Variants in AFF1 observed in about 807,000 individuals in gnomAD.
The protein encoded by AFF1 is ALF transcription elongation factor 1.
Under a neutral mutation model 121.7 loss-of-function variants are expected in AFF1, and 48 were observed. The observed-to-expected ratio is 0.39, with a 90% CI of 0.31 to 0.50. The LOEUF is 0.50. Ranked by LOEUF, AFF1 falls within the 20% of genes least tolerant of loss-of-function variation. The pLI is 0.76. For missense variants in AFF1, 1,523 were observed against 1,511.7 expected, an observed-to-expected ratio of 1.01 and a Z score of -0.12; for synonymous variants, 613 against 563.0, an observed-to-expected ratio of 1.09 and a Z score of -1.26.
intron 2 of AFF1, among the ~76,000 whole-genome samples, chr4:86,951,805 C>T (rs1260540194): frequency 3.3e-5 from 5 of 151,348 alleles, no homozygotes; most frequent in Non-Finnish European, 5.9e-5. Context: ...TTAGTAGAGA[C>T]GGGTTTCACC....
chr4:87,047,403 A>G lies in AFF1; in HGVS notation c.868A>G (p.Ser290Gly). 1 of 1,613,988 alleles carries G rather than the reference A, an allele frequency of 6.2e-7. No individual in the cohort carries two copies. The highest frequency in any genetic ancestry group is 8.5e-7 in the Non-Finnish European group (1 of 1,180,012). ...TCCACCTCCCTCCCTCCCCTCAAAA[A>G]GTGTTGCAATGCAGCAGAAGCCCAC... ...TFPPPSLPSK[S>G]VAMQQKPTAY... Residue 290 changes from serine to glycine, a missense_variant, in exon 4 of 21, where the codon AGT (serine) becomes GGT (glycine). Ser to Gly is a moderately conservative substitution (Grantham distance 56). Around this residue, in one of 5 missense-constraint regions of AFF1, gnomAD observed 369 missense variants for 367.2 expected, o/e 1.00. Transcript: ENST00000395146.
intron 1 of AFF1, among the ~76,000 whole-genome samples, chr4:86,947,151 A>G (rs1720927175): frequency 6.6e-6 from 1 of 152,140 alleles, no homozygotes; most frequent in Admixed American, 6.5e-5. Context: ...GTGGGGATTG[A>G]GTTGGAGAAT....
chr4:87,096,389 G>C (rs1389326481), intron 8 of AFF1, among the ~76,000 whole-genome samples: 1 of 124,770 alleles, frequency 8.0e-6, no homozygotes, highest in Non-Finnish European at 1.6e-5. Context: ...GACACACCCG[G>C]CTTTTTTTTT....
chr4:86,991,870 A>G (rs948473915), intron 2 of AFF1, among the ~76,000 whole-genome samples: 1 of 96,846 alleles, frequency 1.0e-5, no homozygotes, highest in African/African-American at 4.0e-5. Context: ...CTTTTCCATT[A>G]TTGAAATATG....
rs1291811026 is a variant in AFF1 at position 87,135,599 on chromosome 4, C to T, written c.3555C>T (p.Ser1185=). ...TTGCAGAATTCTTTGCTCGGCTCAG[C>T]ACAAATGTGTGCACCTTGGCCCTCA... ...RKNKEFFARL[S]TNVCTLALNS... Residue 1185 remains serine, a synonymous_variant, in exon 21 of 21, where the codon AGC becomes AGT. Transcript: ENST00000395146. 4 of 1,603,812 alleles carry T rather than the reference C, an allele frequency of 2.5e-6. No individual in the cohort carries two copies. Among genetic ancestry groups the T allele is most frequent in the Non-Finnish European group, 3.4e-6 (4 of 1,174,156 alleles).
chr4:87,073,391 C>T (rs1344110694), intron 4 of AFF1, among the ~76,000 whole-genome samples: 4 of 147,658 alleles, frequency 2.7e-5, no homozygotes, highest in Admixed American at 2.0e-4. Context: ...CTCTCTTTTG[C>T]GTTTGTTATA....
chr4:87,056,912 G>T (rs1023241655), intron 4 of AFF1, among the ~76,000 whole-genome samples: 1 of 152,202 alleles, frequency 6.6e-6, no homozygotes, highest in African/African-American at 2.4e-5. Flanking sequence ...GTAGGGTACT[G>T]TTACCATCCT....
At position 87,047,230 on chromosome 4, in the gene AFF1, A is replaced by C; in HGVS notation, c.695A>C (p.Gln232Pro). 6.2e-7 allele frequency: 1 copy of C among 1,614,166 alleles called. No homozygotes were observed. The highest frequency in any genetic ancestry group is 8.5e-7 in the Non-Finnish European group (1 of 1,180,026). ...AACCAGCAAACTCTTCCCCGGACGC[A>C]AGGAAGCAGCAAGGTTCATGGCAGC... ...HSNQQTLPRT[Q>P]GSSKVHGSSN... The change falls in exon 4 of 21, where the codon CAA (glutamine) becomes CCA (proline). Residue 232 changes from glutamine (Q) to proline (P), a missense_variant. Coordinates refer to ENST00000395146, the MANE Select transcript of AFF1 (RefSeq NM_001166693.3).
chr4:87,084,233 T>C (rs1723459165), intron 5 of AFF1, 69 bp downstream of exon 5: 13 of 1,532,750 alleles, frequency 8.5e-6, no homozygotes, highest in Middle Eastern at 3.4e-4. Context: ...CCATTTACTT[T>C]CACTTTAAAG....
At chr4:87,065,089 G>C (rs938047032) in intron 4 of AFF1, among the ~76,000 whole-genome samples, 1 of 152,116 alleles carries the variant, frequency 6.6e-6, no homozygotes, top group Admixed American at 6.6e-5. Context: ...TCTTAATGTG[G>C]TGCATTAGTC....
intron 2 of AFF1, among the ~76,000 whole-genome samples, chr4:87,035,516 G>A (rs1219979041): frequency 2.0e-5 from 3 of 151,756 alleles, no homozygotes; most frequent in East Asian, 1.9e-4. Flanking sequence ...AGCGGAGATC[G>A]CGCCACTGCA....
intron 2 of AFF1, chr4:86,949,537 A>ATTTTTTTTTTTTTTTTTTTTT (rs754229542): frequency 4.1e-6 from 1 of 244,120 alleles, no homozygotes; most frequent in Non-Finnish European, 6.8e-6. Context: ...TATTATTATT[A>ATTTTTTTTTTTTTTTTTTTTT]TTTTTTTTTT....
intron 4 of AFF1, among the ~76,000 whole-genome samples, chr4:87,078,969 C>T (rs1722925369): frequency 6.6e-6 from 1 of 152,132 alleles, no homozygotes; most frequent in South Asian, 2.1e-4. Context: ...ATTTGACCTT[C>T]ATACCAACCC....
rs374201893 is a variant in AFF1 at position 87,046,892 on chromosome 4, C to T, written c.357C>T (p.His119=). 4 of 1,614,108 alleles carry T rather than the reference C, an allele frequency of 2.5e-6. No homozygotes were observed. The highest frequency in any genetic ancestry group is 2.7e-5 in the African/African-American group (2 of 74,936). The change falls in exon 4 of 21, where the codon CAC becomes CAT. Residue 119 remains histidine, a synonymous_variant. Coordinates refer to ENST00000395146, the MANE Select transcript of AFF1 (RefSeq NM_001166693.3). ...CCAGCTCCTTCCACACTAGTGTCCA[C>T]CACCAGTCCATTCACACTCCTGCGT... ...IPSSSFHTSV[H]HQSIHTPASG...
In AFF1 at chr4:86,987,989, G is replaced by A. The variant is rs540453153; in HGVS notation, c.38+39418G>A. 5.9e-5 allele frequency among the ~76,000 whole-genome samples: 9 copies of A among 151,458 alleles called. No individual in the cohort carries two copies. The South Asian group carries it at 1.5e-3, about 25-fold the overall frequency. ...TTATCCAATTTTAAGCTGGGGTCATGTTATTCCCGCCCACCCCCCAACCCC... is the reference window on the plus strand; with the variant it reads ...TTATCCAATTTTAAGCTGGGGTCATATTATTCCCGCCCACCCCCCAACCCC... On this transcript the variant is annotated intron_variant, in intron 2 of 20. Coordinates refer to ENST00000395146, the MANE Select transcript of AFF1 (RefSeq NM_001166693.3).
chr4:86,993,400 G>A (rs1724880922), intron 2 of AFF1, among the ~76,000 whole-genome samples: 1 of 152,126 alleles, frequency 6.6e-6, no homozygotes, highest in Non-Finnish European at 1.5e-5. Flanking sequence ...AGAGATTGAG[G>A]AATATCTCCT....
chr4:87,046,036 A>T, intron 2 of AFF1, 130 bp from the exon 3 acceptor site: 1 of 1,154,690 alleles, frequency 8.7e-7, no homozygotes, highest in Non-Finnish European at 1.2e-6. Flanking sequence ...GGCTTTCTTT[A>T]AATCACAGCC....
At chr4:87,100,836 T>G (rs965929140) in intron 8 of AFF1, among the ~76,000 whole-genome samples, 2 of 152,260 alleles carry the variant, frequency 1.3e-5, no homozygotes, top group African/African-American at 4.8e-5. Context: ...CTTACTGATT[T>G]AATCTACTGA....
chr4:87,052,255 A>G (rs546960557), intron 4 of AFF1, among the ~76,000 whole-genome samples: 38 of 152,184 alleles, frequency 2.5e-4, no homozygotes, highest in Admixed American at 1.0e-3. Flanking sequence ...TCAAAAAATT[A>G]AAAAGTTTTC....
Sources: gnomAD v4.1 joint callset for allele counts (sites outside exome capture counted in the v4.1 genomes callset) on GRCh38, gnomAD v4.1.1 for gene constraint, gnomAD v4.1.1 regional missense constraint, MANE v1.5 for transcripts, NCBI Gene and HGNC (gene_info 2026-07-23, HGNC 2026-07-21) for gene names.